Variants in THRB observed in about 807,000 individuals in gnomAD.
THRB encodes the protein nuclear receptor subfamily 1 group A member 2.
THRB carries 12 observed loss-of-function variants against 47.8 expected under a neutral mutation model. The observed-to-expected ratio is 0.25, with a 90% CI of 0.16 to 0.41. The LOEUF (loss-of-function observed/expected upper bound fraction) is 0.41. Ranked by LOEUF, THRB falls within the 10% of genes least tolerant of loss-of-function variation. The probability of loss-of-function intolerance (pLI) is 1.00; values close to 1 mark genes in which losing one functional copy is unlikely to be tolerated. For synonymous variants in THRB, 218 were observed against 212.2 expected, an observed-to-expected ratio of 1.03 and a Z score of -0.24; for missense variants, 348 against 589.2, an observed-to-expected ratio of 0.59 and a Z score of 4.24.
chr3:24,430,603 C>T (rs1380638164), intron 1 of THRB: 1 of 151,834 alleles, frequency 6.6e-6, no homozygotes, highest in African/African-American at 2.4e-5. Context: ...TCAGTGAAAT[C>T]TTTAAAAAAG....
chr3:24,319,686 G>T (rs2058353409), intron 2 of THRB, among the ~76,000 whole-genome samples: 1 of 152,114 alleles, frequency 6.6e-6, no homozygotes, highest in Admixed American at 6.5e-5. Flanking sequence ...AGCTTTATAT[G>T]CTTTAGCATG....
At chr3:24,425,231 A>G (rs2069641999) in intron 1 of THRB, among the ~76,000 whole-genome samples, 1 of 151,904 alleles carries the variant, frequency 6.6e-6, no homozygotes, top group African/African-American at 2.4e-5. Context: ...CACCCTTAGC[A>G]AGGGATGAGA....
intron 1 of THRB, among the ~76,000 whole-genome samples, chr3:24,440,041 C>T (rs912378794): frequency 6.6e-6 from 1 of 152,310 alleles, no homozygotes. Flanking sequence ...ATAAACTCTA[C>T]TATATGATCC....
chr3:24,310,898 C>A (rs913604809), intron 2 of THRB, among the ~76,000 whole-genome samples: 1 of 152,162 alleles, frequency 6.6e-6, no homozygotes, highest in Non-Finnish European at 1.5e-5. Context: ...TTTCTCATGG[C>A]AGGACATTGT....
intron 1 of THRB, among the ~76,000 whole-genome samples, chr3:24,473,859 G>A (rs1227402571): frequency 6.6e-6 from 1 of 152,170 alleles, no homozygotes; most frequent in Non-Finnish European, 1.5e-5. Flanking sequence ...AACACCACAT[G>A]TTCTCACTCA....
chr3:24,227,045 A>G (rs1206517194), intron 4 of THRB, among the ~76,000 whole-genome samples: 1 of 152,208 alleles, frequency 6.6e-6, no homozygotes, highest in Non-Finnish European at 1.5e-5. Flanking sequence ...CCCCACAGCA[A>G]GCGAAGACCA....
intron 4 of THRB, among the ~76,000 whole-genome samples, chr3:24,191,265 TAC>T (rs2149610327): frequency 6.8e-6 from 1 of 147,106 alleles, no homozygotes; most frequent in East Asian, 2.0e-4. Context: ...TATATATATA[TAC>T]ATATTTGTAT....
At chr3:24,466,616 G>A (rs777203986) in intron 1 of THRB, among the ~76,000 whole-genome samples, 14 of 152,156 alleles carry the variant, frequency 9.2e-5, no homozygotes, top group Non-Finnish European at 1.5e-4. Context: ...CACTGCAGTC[G>A]TGGATATTGC....
At chr3:24,189,380 C>A (rs2043045210) in intron 5 of THRB, among the ~76,000 whole-genome samples, 1 of 152,076 alleles carries the variant, frequency 6.6e-6, no homozygotes, top group African/African-American at 2.4e-5. Flanking sequence ...TTGAAAGACA[C>A]AAATTGATTT....
chr3:24,354,294 T>C (rs990326433), intron 1 of THRB, among the ~76,000 whole-genome samples: 2 of 152,072 alleles, frequency 1.3e-5, no homozygotes, highest in East Asian at 3.9e-4. Flanking sequence ...ACCTGGGTGA[T>C]GAAATAATCT....
chr3:24,250,162 T>C (rs2050520819), intron 3 of THRB, among the ~76,000 whole-genome samples: 1 of 152,222 alleles, frequency 6.6e-6, no homozygotes, highest in African/African-American at 2.4e-5. Context: ...CTCATGTCAC[T>C]TTTCTTAACT....
intron 3 of THRB, among the ~76,000 whole-genome samples, chr3:24,266,501 C>G (rs1490954466): frequency 6.6e-6 from 1 of 152,128 alleles, no homozygotes; most frequent in Non-Finnish European, 1.5e-5. Flanking sequence ...CCTTAGAAAA[C>G]AGGAGCTCTT....
At chr3:24,385,353 C>G (rs2066014298) in intron 1 of THRB, among the ~76,000 whole-genome samples, 2 of 151,930 alleles carry the variant, frequency 1.3e-5, no homozygotes, top group East Asian at 1.9e-4. Context: ...TTTAAAGGAG[C>G]ACCAAAATTA....
Position 24,210,401 on chromosome 3 carries a change from T to G in THRB, c.22+18537A>C, listed in dbSNP as rs1575915893. Among the ~76,000 whole-genome samples the G allele has an allele frequency of 3.3e-5, 5 of 151,988 alleles. No individual in the cohort carries two copies. In the South Asian group the frequency reaches 1.0e-3, roughly 32 times the overall value. On this transcript the variant is annotated intron_variant, in intron 4 of 10. Coordinates refer to ENST00000646209, the MANE Select transcript of THRB (RefSeq NM_001354712.2). ...CTGGTGGATCTCACCCAGGTTGGTT[T>G]ATTTGTTTGTTTTTTTTTTTTGCTT...
At chr3:24,270,847 T>C (rs1460866216) in intron 3 of THRB, among the ~76,000 whole-genome samples, 2 of 152,200 alleles carry the variant, frequency 1.3e-5, no homozygotes, top group Non-Finnish European at 2.9e-5. Context: ...CATTTCTTGT[T>C]AATTAAAAAG....
chr3:24,260,112 T>C (rs548764442), intron 3 of THRB, among the ~76,000 whole-genome samples: 13 of 152,346 alleles, frequency 8.5e-5, no homozygotes, highest in Admixed American at 2.6e-4. Flanking sequence ...GATTTGCCTA[T>C]TTCATGTAAA....
At chr3:24,204,126 A>AT (rs1482234859) in intron 4 of THRB, among the ~76,000 whole-genome samples, 1 of 152,254 alleles carries the variant, frequency 6.6e-6, no homozygotes, top group East Asian at 1.9e-4. Flanking sequence ...CTGCAGACTT[A>AT]AATGTCCCTG....
intron 3 of THRB, among the ~76,000 whole-genome samples, chr3:24,229,590 C>G (rs1023111043): frequency 6.6e-6 from 1 of 152,174 alleles, no homozygotes; most frequent in African/African-American, 2.4e-5. Flanking sequence ...TTAATGAGAT[C>G]CAAGAGCAAC....
chr3:24,484,575 C>T (rs1697001171), intron 1 of THRB, among the ~76,000 whole-genome samples: 1 of 152,174 alleles, frequency 6.6e-6, no homozygotes, highest in Non-Finnish European at 1.5e-5. Flanking sequence ...ATTTAAACTA[C>T]ATATATGGCT....
Sources: gnomAD v4.1 joint callset for allele counts (sites outside exome capture counted in the v4.1 genomes callset) on GRCh38, gnomAD v4.1.1 for gene constraint, MANE v1.5 for transcripts, NCBI Gene and HGNC (gene_info 2026-07-23, HGNC 2026-07-21) for gene names.